The following EEFSEC variants were observed in gnomAD, a reference collection of about 807,000 sequenced individuals.
EEFSEC encodes selenocysteine-specific elongation factor.
Under a neutral mutation model 42.1 loss-of-function variants are expected in EEFSEC, and 43 were observed. The observed-to-expected ratio is 1.02, with a 90% CI of 0.80 to 1.32. EEFSEC has a LOEUF of 1.32. Among genes scored for constraint, EEFSEC ranks in the 40% most tolerant of loss-of-function variants. EEFSEC has a pLI of 0.00. For synonymous variants in EEFSEC, 354 were observed against 339.1 expected (o/e 1.04, Z -0.48); for missense variants, 745 against 803.6 (o/e 0.93, Z 0.88).
intron 4 of EEFSEC, among the ~76,000 whole-genome samples, chr3:128,313,208 C>T (rs2066909278): frequency 6.6e-6 from 1 of 152,158 alleles, no homozygotes; most frequent in Non-Finnish European, 1.5e-5. Context: ...GTGCCTCTCC[C>T]TGAAAGAGAA....
At chr3:128,161,612 C>A (rs1006968528) in intron 1 of EEFSEC, among the ~76,000 whole-genome samples, 1 of 152,198 alleles carries the variant, frequency 6.6e-6, no homozygotes, top group Non-Finnish European at 1.5e-5. Flanking sequence ...CATCCAAGAG[C>A]CTACAAGATT....
At chr3:128,170,512 A>G (rs927727080) in intron 1 of EEFSEC, among the ~76,000 whole-genome samples, 3 of 151,992 alleles carry the variant, frequency 2.0e-5, no homozygotes, top group Non-Finnish European at 4.4e-5. Context: ...AAAAAAAAAA[A>G]GCTTTCTTGG....
At chr3:128,337,570 G>C (rs907781213) in intron 4 of EEFSEC, among the ~76,000 whole-genome samples, 1 of 152,166 alleles carries the variant, frequency 6.6e-6, no homozygotes, top group Non-Finnish European at 1.5e-5. Context: ...GCTTTGCCAG[G>C]TATGATTTTG....
downstream of EEFSEC, among the ~76,000 whole-genome samples, chr3:128,412,079 G>C (rs1475904624): frequency 5.3e-5 from 8 of 152,220 alleles, no homozygotes; most frequent in African/African-American, 1.9e-4. Flanking sequence ...GTGTACACAG[G>C]GTGGTGGCAA....
chr3:128,176,791 A>C (rs1322809330), intron 1 of EEFSEC, among the ~76,000 whole-genome samples: 4 of 152,058 alleles, frequency 2.6e-5, no homozygotes, highest in Non-Finnish European at 5.9e-5. Flanking sequence ...GATCAGAAAG[A>C]ACTATTTTAA....
intron 4 of EEFSEC, among the ~76,000 whole-genome samples, chr3:128,288,351 T>C (rs1385255122): frequency 6.6e-6 from 1 of 152,196 alleles, no homozygotes; most frequent in Admixed American, 6.5e-5. Context: ...TTTCACTGTA[T>C]TCTAGACCAG....
chr3:128,396,623 G>C (rs2067984792), intron 6 of EEFSEC, among the ~76,000 whole-genome samples: 1 of 152,136 alleles, frequency 6.6e-6, no homozygotes, highest in Admixed American at 6.5e-5. Context: ...CTGGGCATGA[G>C]GCTGTGGTGC....
intron 1 of EEFSEC, among the ~76,000 whole-genome samples, chr3:128,165,987 C>T (rs1319241746): frequency 6.6e-6 from 1 of 152,170 alleles, no homozygotes; most frequent in Non-Finnish European, 1.5e-5. Context: ...CAGGATCTTT[C>T]GCCATGAACA....
chr3:128,300,351 C>T (rs1040611246), intron 4 of EEFSEC, among the ~76,000 whole-genome samples: 1 of 152,056 alleles, frequency 6.6e-6, no homozygotes, highest in Non-Finnish European at 1.5e-5. Context: ...CGCCTGTAAT[C>T]GCAGCACTTA....
intron 1 of EEFSEC, among the ~76,000 whole-genome samples, chr3:128,210,277 G>A (rs4293718): frequency 0.36 from 55,501 of 152,086 alleles, 11,775 homozygotes; most frequent in African/African-American, 0.59. Context: ...TAGCAGCTCA[G>A]ACTGAGGTTG....
At chr3:128,154,609 C>T (rs1289870611) in intron 1 of EEFSEC, among the ~76,000 whole-genome samples, 1 of 152,002 alleles carries the variant, frequency 6.6e-6, no homozygotes, top group Non-Finnish European at 1.5e-5. Flanking sequence ...GCCACCACGC[C>T]CGGCTAATTT....
intron 2 of EEFSEC, among the ~76,000 whole-genome samples, chr3:128,248,800 ATTAAAT>A (rs1310683839): frequency 1.3e-5 from 2 of 152,226 alleles, no homozygotes; most frequent in African/African-American, 4.8e-5. Context: ...AATAGTTTTG[ATTAAAT>A]TTAAGGAAAA....
chr3:128,366,241 G>A (rs1247133141), intron 6 of EEFSEC, among the ~76,000 whole-genome samples: 1 of 152,250 alleles, frequency 6.6e-6, no homozygotes, highest in Non-Finnish European at 1.5e-5. Flanking sequence ...AATGGCCAGG[G>A]GCATTGGTCC....
In EEFSEC at chr3:128,217,465, A is replaced by G. The variant is rs1202906325; in HGVS notation, c.317-29371A>G. Among the ~76,000 whole-genome samples the G allele has an allele frequency of 3.9e-5, 6 of 152,228 alleles. No homozygotes were observed. In the South Asian group the frequency reaches 1.2e-3, roughly 32 times the overall value. ...CATAGCAGAACCAAAGACAGGAAAG[A>G]CAGGATCCTGCCTCCCTCAATCTCC... On this transcript the variant is annotated intron_variant, in intron 1 of 6. Transcript: ENST00000254730.
chr3:128,423,620 T>A, the EEFSEC span, among the ~76,000 whole-genome samples: 1 of 152,326 alleles, frequency 6.6e-6, no homozygotes, highest in African/African-American at 2.4e-5. Context: ...ATGTGAAATG[T>A]CCAGAAGAGG....
chr3:128,206,414 G>A (rs2107825014), intron 1 of EEFSEC, among the ~76,000 whole-genome samples: 1 of 152,320 alleles, frequency 6.6e-6, no homozygotes, highest in East Asian at 1.9e-4. Context: ...AGGCATTAGA[G>A]GAAGGGGTGT....
chr3:128,299,640 G>A (rs1028284642), intron 4 of EEFSEC, among the ~76,000 whole-genome samples: 2 of 152,126 alleles, frequency 1.3e-5, no homozygotes, highest in Non-Finnish European at 2.9e-5. Context: ...CTGGAGGAAG[G>A]CATGGGAAAC....
chr3:128,301,858 G>C (rs2999036), intron 4 of EEFSEC, among the ~76,000 whole-genome samples: 125,512 of 152,004 alleles, frequency 0.83, 52,571 homozygotes, highest in East Asian at 0.99. Context: ...ACTCCCATGG[G>C]GGGCAGGAAA....
chr3:128,388,421 T>C (rs1043196441), intron 6 of EEFSEC, among the ~76,000 whole-genome samples: 1 of 152,230 alleles, frequency 6.6e-6, no homozygotes, highest in Non-Finnish European at 1.5e-5. Flanking sequence ...GGGAACAATC[T>C]GCCTGCCATG....
Sources: allele counts gnomAD v4.1 joint callset (sites outside exome capture counted in the v4.1 genomes callset), GRCh38; gene constraint gnomAD v4.1.1; transcripts MANE v1.5; gene names NCBI Gene and HGNC (gene_info 2026-07-23, HGNC 2026-07-21).